The following NUMB variants were observed in gnomAD, a reference collection of about 807,000 sequenced individuals.
NUMB encodes the protein NUMB endocytic adaptor protein.
In NUMB, 29 loss-of-function variants were observed where a neutral mutation model predicts 59.7. That is an observed-to-expected ratio of 0.49 (90% CI 0.36 to 0.66). The LOEUF is 0.66. NUMB is among the 30% of genes least tolerant of loss of function. The pLI is 0.00. For missense variants in NUMB, 723 were observed against 822.0 expected (o/e 0.88, Z 1.47); for synonymous variants, 288 against 288.2 (o/e 1.00, Z 0.01).
In NUMB at chr14:73,314,099, A is replaced by G. The variant is rs543891837; in HGVS notation, c.234+2291T>C. On this transcript the variant is annotated intron_variant, in intron 6 of 12. Transcript: ENST00000555238. ...AAGTAATTGATTAGAAATAAAATCT[A>G]AAGTTAAATTACTACTCTATAAAAA... Among the ~76,000 whole-genome samples, 3 of 152,362 alleles carry G rather than the reference A, an allele frequency of 2.0e-5. No individual in the cohort carries two copies. In the South Asian group the frequency reaches 6.2e-4, roughly 32 times the overall value.
chr14:73,321,205 CAA>C (rs1013662483), intron 5 of NUMB, among the ~76,000 whole-genome samples: 16 of 152,158 alleles, frequency 1.1e-4, no homozygotes, highest in Admixed American at 3.3e-4. Flanking sequence ...TACTCTGAAT[CAA>C]AAGACTTTCT....
intron 1 of NUMB, among the ~76,000 whole-genome samples, chr14:73,417,780 CTA>C (rs1897193537): frequency 2.6e-5 from 4 of 152,108 alleles, no homozygotes; most frequent in African/African-American, 4.8e-5. Context: ...TGAAAACAAC[CTA>C]AGTGTCCACC....
chr14:73,370,947 T>A (rs932187471), intron 2 of NUMB, among the ~76,000 whole-genome samples: 1 of 152,218 alleles, frequency 6.6e-6, no homozygotes, highest in African/African-American at 2.4e-5. Flanking sequence ...TTCATCTGAT[T>A]TGCTTTATCA....
intron 4 of NUMB, among the ~76,000 whole-genome samples, chr14:73,328,331 G>A (rs552479043): frequency 1.3e-5 from 2 of 151,536 alleles, no homozygotes; most frequent in Admixed American, 1.3e-4. Flanking sequence ...TTTTACCACA[G>A]AGTAGTATTT....
intron 2 of NUMB, among the ~76,000 whole-genome samples, chr14:73,369,881 C>A (rs1001257242): frequency 2.6e-5 from 4 of 152,192 alleles, no homozygotes; most frequent in African/African-American, 9.7e-5. Context: ...TGCTTCCAGT[C>A]ACTTCCTGTT....
intron 2 of NUMB, among the ~76,000 whole-genome samples, chr14:73,374,493 T>C (rs151093062): frequency 4.6e-5 from 7 of 152,260 alleles, no homozygotes; most frequent in African/African-American, 1.7e-4. Flanking sequence ...TGTGCCAAAA[T>C]CTGGGAATGG....
In NUMB at chr14:73,296,358, T is replaced by C. The variant is rs188605868; in HGVS notation, c.309+853A>G. On this transcript the variant is annotated intron_variant, in intron 7 of 12. Transcript: ENST00000555238. ...TGGGAGGTTAAGGCAGGAGAATCGT[T>C]TGAACCCAGGAGGTGGAGGTTGCAG... Among the ~76,000 whole-genome samples, 120 of 152,090 alleles carry C rather than the reference T, an allele frequency of 7.9e-4. 2 individuals carry two copies. The East Asian group carries it at 0.022, about 28-fold the overall frequency.
intron 7 of NUMB, among the ~76,000 whole-genome samples, chr14:73,296,498 T>C (rs1239121360): frequency 6.6e-6 from 1 of 151,952 alleles, no homozygotes; most frequent in Admixed American, 6.6e-5. Flanking sequence ...CTTAGTACCT[T>C]AGACATGCTA....
chr14:73,361,941 C>G (rs1894114577), intron 3 of NUMB, among the ~76,000 whole-genome samples: 1 of 152,024 alleles, frequency 6.6e-6, no homozygotes, highest in African/African-American at 2.4e-5. Context: ...AGATGTACCA[C>G]TATTTTATGT....
chr14:73,417,751 A>G (rs1390264068), intron 1 of NUMB, among the ~76,000 whole-genome samples: 1 of 152,200 alleles, frequency 6.6e-6, no homozygotes, highest in Non-Finnish European at 1.5e-5. Context: ...AGGCAACATC[A>G]TTCACAGTAG....
At chr14:73,346,697 T>C (rs1892940655) in intron 4 of NUMB, among the ~76,000 whole-genome samples, 2 of 152,118 alleles carry the variant, frequency 1.3e-5, no homozygotes, top group South Asian at 4.1e-4. Context: ...TCTCTAGCTA[T>C]TTCATTGTCC....
chr14:73,304,194 G>A (rs1461691874), intron 6 of NUMB, among the ~76,000 whole-genome samples: 2 of 152,196 alleles, frequency 1.3e-5, no homozygotes, highest in African/African-American at 4.8e-5. Flanking sequence ...ACTGTAAGAT[G>A]ACTTTCTCCT....
chr14:73,448,860 C>T lies in NUMB; in HGVS notation c.-233+9633G>A, dbSNP rs188799255. The stretch of plus-strand genomic sequence containing the variant: ...CACATCTTGGTATCTGAGGGGGACT[C>T]GATCCAGGACCCCATGGATACCAAA... On this transcript the variant is annotated intron_variant, in intron 1 of 12. Coordinates refer to ENST00000555238, the MANE Select transcript of NUMB (RefSeq NM_001005743.2). 1.2e-4 allele frequency among the ~76,000 whole-genome samples: 18 copies of T among 152,078 alleles called. No individual in the cohort carries two copies. In the East Asian group the frequency reaches 3.1e-3, roughly 26 times the overall value.
chr14:73,334,863 A>G (rs1892206024), intron 4 of NUMB, among the ~76,000 whole-genome samples: 1 of 149,634 alleles, frequency 6.7e-6, no homozygotes, highest in Admixed American at 6.8e-5. Context: ...GCAGGAGAAT[A>G]GCTTGAACCT....
chr14:73,434,008 G>A (rs187466437), intron 1 of NUMB, among the ~76,000 whole-genome samples: 3 of 152,078 alleles, frequency 2.0e-5, no homozygotes, highest in East Asian at 1.9e-4. Flanking sequence ...CAGGAGAATC[G>A]CTTAGAACCT....
chr14:73,366,074 T>C (rs951799957), intron 3 of NUMB, among the ~76,000 whole-genome samples: 1 of 152,222 alleles, frequency 6.6e-6, no homozygotes, highest in Non-Finnish European at 1.5e-5. Flanking sequence ...CCTTAAAAGC[T>C]ACCTGAAAAT....
intron 2 of NUMB, among the ~76,000 whole-genome samples, chr14:73,394,405 T>TA (rs74677402): frequency 0.023 from 3,149 of 137,394 alleles, 85 homozygotes; most frequent in East Asian, 0.059. Flanking sequence ...CAGTTTTCTT[T>TA]AAAAAAAAAA....
At chr14:73,327,890 A>C (rs927310827) in intron 4 of NUMB, among the ~76,000 whole-genome samples, 1 of 151,404 alleles carries the variant, frequency 6.6e-6, no homozygotes, top group African/African-American at 2.4e-5. Flanking sequence ...TTTGTAATCA[A>C]CTCCTCCGCC....
At chr14:73,430,428 C>T (rs1336677537) in intron 1 of NUMB, among the ~76,000 whole-genome samples, 4 of 151,494 alleles carry the variant, frequency 2.6e-5, no homozygotes, top group East Asian at 2.0e-4. Context: ...CCAGGAGTTC[C>T]GAGACCAGCC....
Sources: gnomAD v4.1 joint callset for allele counts (sites outside exome capture counted in the v4.1 genomes callset) on GRCh38, gnomAD v4.1.1 for gene constraint, MANE v1.5 for transcripts, NCBI Gene and HGNC (gene_info 2026-07-23, HGNC 2026-07-21) for gene names.